Variants in CTIF observed in about 807,000 individuals in gnomAD.
The protein encoded by CTIF is CBP80/20-dependent translation initiation factor.
In CTIF, 21 loss-of-function variants were observed where a neutral mutation model predicts 66.0. The ratio of observed to expected loss-of-function variants is 0.32; its 90% confidence interval spans 0.23 to 0.46. CTIF has a LOEUF of 0.46. Ranked by LOEUF, CTIF falls within the 20% of genes least tolerant of loss-of-function variation. The pLI is 1.00. For missense variants in CTIF, 739 were observed against 812.7 expected (o/e 0.91, Z 1.10); for synonymous variants, 345 against 326.4 (o/e 1.06, Z -0.62).
chr18:48,598,716 C>T (rs1162708300), intron 1 of CTIF, among the ~76,000 whole-genome samples: 3 of 152,092 alleles, frequency 2.0e-5, no homozygotes, highest in South Asian at 2.1e-4. Context: ...TATAACAGCA[C>T]GCAGGGCAAG....
At chr18:48,582,966 T>C (rs1201502913) in intron 1 of CTIF, among the ~76,000 whole-genome samples, 1 of 152,232 alleles carries the variant, frequency 6.6e-6, no homozygotes, top group African/African-American at 2.4e-5. Flanking sequence ...GCTTTCATCA[T>C]GCCATTTAGA....
chr18:48,815,679 A>G (rs1453983110), intron 9 of CTIF, among the ~76,000 whole-genome samples: 1 of 152,188 alleles, frequency 6.6e-6, no homozygotes, highest in Non-Finnish European at 1.5e-5. Context: ...CCCACCCTCT[A>G]GATTGCACCT....
At position 48,551,334 on chromosome 18, in the gene CTIF, C is replaced by T. The variant is rs114314589; in HGVS notation, c.-29+12022C>T. Among the ~76,000 whole-genome samples the T allele has an allele frequency of 8.4e-3, 1,273 of 152,066 alleles. 15 individuals carry two copies. Among genetic ancestry groups the T allele is most frequent in the African/African-American group, 0.028 (1,172 of 41,448 alleles). On this transcript the variant is annotated intron_variant, in intron 1 of 11. Coordinates refer to ENST00000256413, the MANE Select transcript of CTIF (RefSeq NM_014772.3). Reference sequence around the variant, plus strand: ...ATGAAGCCACCCAGTCTATGGTGGCCTGCTATGGCAGCCCTAGCAAATGAA... The same window carrying T: ...ATGAAGCCACCCAGTCTATGGTGGCTTGCTATGGCAGCCCTAGCAAATGAA...
intron 3 of CTIF, among the ~76,000 whole-genome samples, chr18:48,656,991 T>G (rs1442862765): frequency 6.6e-6 from 1 of 152,120 alleles, no homozygotes; most frequent in Admixed American, 6.5e-5. Flanking sequence ...AATGAATGAC[T>G]CTGGGTCCCA....
At chr18:48,624,017 C>G (rs2090547662) in intron 2 of CTIF, among the ~76,000 whole-genome samples, 2 of 151,972 alleles carry the variant, frequency 1.3e-5, no homozygotes, top group African/African-American at 4.8e-5. Flanking sequence ...CCAACATTTT[C>G]TGGATGCCAT....
At chr18:48,648,413 T>TG (rs1263713843) in intron 3 of CTIF, among the ~76,000 whole-genome samples, 2 of 151,966 alleles carry the variant, frequency 1.3e-5, no homozygotes, top group Non-Finnish European at 2.9e-5. Flanking sequence ...AAAGGCCCCT[T>TG]GGGGGTCTAT....
Position 48,861,784 on chromosome 18 carries a change from G to T in CTIF, c.*2225G>T. ...GCCTGATTCTCCTTCCTCCGAACGG[G>T]CTCCTTGATGGCCTGGCCACAGGGG... On this transcript the variant is annotated 3_prime_UTR_variant, in exon 12 of 12. Transcript: ENST00000256413. 6.6e-6 allele frequency: 1 copy of T among 152,478 alleles called. No homozygotes were observed. The highest frequency in any genetic ancestry group is 1.5e-5 in the Non-Finnish European group (1 of 68,132). The allele number at this position is 152,478 out of a possible 1,614,324, so 9.4% of individuals were successfully genotyped here. A position where few individuals can be genotyped will look rare whatever the true frequency, so the allele number is the denominator to read the frequency against.
At chr18:48,798,640 C>T (rs765545244) in intron 9 of CTIF, among the ~76,000 whole-genome samples, 13 of 152,196 alleles carry the variant, frequency 8.5e-5, no homozygotes, top group Non-Finnish European at 1.8e-4. Flanking sequence ...ACCTGCAGGC[C>T]TTACATTATA....
intron 3 of CTIF, among the ~76,000 whole-genome samples, chr18:48,655,278 C>G (rs1467518768): frequency 6.9e-6 from 1 of 145,056 alleles, no homozygotes; most frequent in Non-Finnish European, 1.5e-5. Context: ...GCACTCCAGC[C>G]TGGGCCATAG....
At chr18:48,740,228 T>C (rs529461303) in intron 7 of CTIF, among the ~76,000 whole-genome samples, 1 of 152,300 alleles carries the variant, frequency 6.6e-6, no homozygotes, top group East Asian at 1.9e-4. Flanking sequence ...GGACCTCTCT[T>C]GGCAGCCTGT....
At chr18:48,793,221 T>C (rs2067832119) in intron 9 of CTIF, among the ~76,000 whole-genome samples, 1 of 152,150 alleles carries the variant, frequency 6.6e-6, no homozygotes, top group Non-Finnish European at 1.5e-5. Flanking sequence ...CAAGTAATTA[T>C]CCTTATAAAT....
chr18:48,676,382 C>CT (rs1307704852), intron 6 of CTIF, among the ~76,000 whole-genome samples: 1 of 152,236 alleles, frequency 6.6e-6, no homozygotes, highest in Non-Finnish European at 1.5e-5. Flanking sequence ...ATTATGTCTG[C>CT]TGTCTTTGGT....
At chr18:48,819,154 C>T (rs1217557733) in intron 10 of CTIF, among the ~76,000 whole-genome samples, 1 of 152,216 alleles carries the variant, frequency 6.6e-6, no homozygotes, top group Non-Finnish European at 1.5e-5. Flanking sequence ...CATTTCTTAA[C>T]AAATGCACTT....
intron 7 of CTIF, among the ~76,000 whole-genome samples, chr18:48,739,689 C>T (rs747386546): frequency 5.9e-5 from 9 of 152,184 alleles, no homozygotes; most frequent in Non-Finnish European, 8.8e-5. Flanking sequence ...TGGCCCTTGG[C>T]GGGGCCCTTC....
chr18:48,766,693 GA>G (rs945460483), intron 9 of CTIF, among the ~76,000 whole-genome samples: 10 of 152,198 alleles, frequency 6.6e-5, no homozygotes, highest in Non-Finnish European at 1.5e-4. Flanking sequence ...AACCAGTCAA[GA>G]AATACCTGCC....
intron 1 of CTIF, among the ~76,000 whole-genome samples, chr18:48,541,032 C>A (rs1273356199): frequency 6.6e-6 from 1 of 152,132 alleles, no homozygotes; most frequent in Non-Finnish European, 1.5e-5. Flanking sequence ...CACCCGGCGG[C>A]GCGGGGGGTT....
At chr18:48,700,381 A>T (rs1053798449) in intron 6 of CTIF, among the ~76,000 whole-genome samples, 3 of 152,324 alleles carry the variant, frequency 2.0e-5, no homozygotes, top group African/African-American at 4.8e-5. Flanking sequence ...GAACAGGCTA[A>T]TACACATGCC....
intron 7 of CTIF, among the ~76,000 whole-genome samples, chr18:48,730,749 G>A (rs1398899025): frequency 1.4e-5 from 2 of 146,676 alleles, no homozygotes; most frequent in East Asian, 4.2e-4. Context: ...AGGAGCCCCC[G>A]CAGCTTGAGG....
chr18:48,850,449 C>T (rs1010543068), intron 10 of CTIF, among the ~76,000 whole-genome samples: 2 of 152,196 alleles, frequency 1.3e-5, no homozygotes, highest in Admixed American at 6.5e-5. Context: ...CGGCCCTCTC[C>T]GTACTGGCAG....
Sources: allele counts gnomAD v4.1 joint callset (sites outside exome capture counted in the v4.1 genomes callset), GRCh38; gene constraint gnomAD v4.1.1; transcripts MANE v1.5; gene names NCBI Gene and HGNC (gene_info 2026-07-23, HGNC 2026-07-21).